Variants in UPRT observed in about 807,000 individuals in gnomAD.
UPRT encodes uracil phosphoribosyltransferase homolog.
Under a neutral mutation model 22.6 loss-of-function variants are expected in UPRT, and 5 were observed. The ratio of observed to expected loss-of-function variants is 0.22; its 90% CI spans 0.12 to 0.47. The LOEUF (loss-of-function observed/expected upper bound fraction) is 0.47. UPRT is among the 20% of genes least tolerant of loss of function. The pLI, the probability that UPRT is intolerant of heterozygous loss-of-function variation, is 0.99. For missense variants in UPRT, 181 were observed against 239.9 expected, an observed-to-expected ratio of 0.75 and a Z score of 1.62; for synonymous variants, 77 against 87.7, an observed-to-expected ratio of 0.88 and a Z score of 0.68.
intron 4 of UPRT, among the ~76,000 whole-genome samples, chrX:75,172,966 C>A (rs1222179325): frequency 1.8e-5 from 2 of 111,292 alleles, no homozygotes; most frequent in Non-Finnish European, 3.8e-5. Context: ...CTGGCTCGGG[C>A]AGCCTGCTTT....
At chrX:75,241,100 T>A (rs1489632184) in intron 4 of UPRT, among the ~76,000 whole-genome samples, 3 of 15,850 alleles carry the variant, frequency 1.9e-4, no homozygotes, top group Non-Finnish European at 1.9e-3. Flanking sequence ...AAAAAGCTTC[T>A]GCACAGAAAA....
chrX:75,231,676 A>G (rs1036251156), intron 4 of UPRT, among the ~76,000 whole-genome samples: 4 of 112,018 alleles, frequency 3.6e-5, no homozygotes, highest in African/African-American at 6.5e-5. Flanking sequence ...AGACAAAGAA[A>G]AGAATCTTAA....
intron 2 of UPRT, chrX:75,294,490 C>G: frequency 1.2e-6 from 1 of 809,628 alleles, no homozygotes; most frequent in Non-Finnish European, 1.5e-6. Flanking sequence ...GCTTCTTAGC[C>G]CCAAAGTTAT....
intron 4 of UPRT, among the ~76,000 whole-genome samples, chrX:75,260,607 T>C (rs919820139): frequency 1.8e-5 from 2 of 111,817 alleles, no homozygotes; most frequent in African/African-American, 6.5e-5. Context: ...ATAAAGCAAG[T>C]CCTTAGAGAC....
intron 4 of UPRT, among the ~76,000 whole-genome samples, chrX:75,224,090 T>C (rs1602460350): frequency 8.9e-6 from 1 of 111,829 alleles, no homozygotes; most frequent in East Asian, 2.8e-4. Context: ...GAATTCCCAT[T>C]TGGTTGTTTA....
At chrX:75,296,208 G>T (rs2082725184) in intron 2 of UPRT, 134 bp from the exon 3 acceptor site, 2 of 513,263 alleles carry the variant, frequency 3.9e-6, no homozygotes, top group Non-Finnish European at 6.3e-6. Context: ...ATGATAGGGG[G>T]CCCCTTACTG....
At chrX:75,248,980 A>T (rs1306264921) in intron 4 of UPRT, among the ~76,000 whole-genome samples, 1 of 111,609 alleles carries the variant, frequency 9.0e-6, no homozygotes, top group Admixed American at 9.6e-5. Context: ...GTGAAGGAGA[A>T]ATAAAATACT....
chrX:75,237,129 G>A (rs187641635), intron 4 of UPRT, among the ~76,000 whole-genome samples: 37 of 112,278 alleles, frequency 3.3e-4, no homozygotes, highest in African/African-American at 1.1e-3. Context: ...CCATCAAACA[G>A]TGAGTAAAGG....
At chrX:75,255,259 C>T (rs2082545910) in intron 4 of UPRT, among the ~76,000 whole-genome samples, 1 of 111,072 alleles carries the variant, frequency 9.0e-6, no homozygotes, top group African/African-American at 3.3e-5. Flanking sequence ...TGAAACTAAG[C>T]TTTATATATG....
At chrX:75,277,805 A>G (rs904386343) in intron 1 of UPRT, among the ~76,000 whole-genome samples, 5 of 111,804 alleles carry the variant, frequency 4.5e-5, no homozygotes, top group African/African-American at 1.6e-4. Flanking sequence ...AAGACCCACC[A>G]CAATTTTTAG....
chrX:75,255,230 C>T (rs1013711338), intron 4 of UPRT, among the ~76,000 whole-genome samples: 7 of 111,066 alleles, frequency 6.3e-5, no homozygotes, highest in East Asian at 2.8e-4. Context: ...TTATCATCAG[C>T]GAAGAATTTT....
At position 75,188,794 on chromosome X, in the gene UPRT, C is replaced by T. The variant is rs377063248; in HGVS notation, c.-447+20915C>T. Among the ~76,000 whole-genome samples the T allele has an allele frequency of 7.2e-4, 81 of 112,039 alleles. No homozygotes were observed. The East Asian group carries it at 0.015, about 21-fold the overall frequency. On this transcript the variant is annotated intron_variant, in intron 4 of 13. Transcript: ENST00000652605. ...GGGAGTGACCCGATCTTCCAGGTGC[C>T]GTCTGTCACCCCTTTCTTTGACTAG...
intron 4 of UPRT, among the ~76,000 whole-genome samples, chrX:75,253,057 G>C (rs1478035987): frequency 9.0e-6 from 1 of 110,869 alleles, no homozygotes; most frequent in South Asian, 3.9e-4. Flanking sequence ...TTGGAGGAGG[G>C]GGGAGGGATA....
At chrX:75,263,477 T>C (rs1299636543) in intron 4 of UPRT, among the ~76,000 whole-genome samples, 1 of 112,194 alleles carries the variant, frequency 8.9e-6, no homozygotes, top group Non-Finnish European at 1.9e-5. Context: ...AATTTATCCA[T>C]TTCTTCTAGA....
chrX:75,274,775 GGTGTGTGTGT>G (rs201034223), intron 1 of UPRT, 135 bp downstream of exon 1: 5,507 of 348,194 alleles, frequency 0.016, 11 homozygotes, highest in Non-Finnish European at 0.019. Context: ...CCTTTTATTT[GGTGTGTGTGT>G]GTGTGTGTGT....
At chrX:75,268,710 C>G (rs1304534023) in intron 4 of UPRT, among the ~76,000 whole-genome samples, 2 of 27,695 alleles carry the variant, frequency 7.2e-5, no homozygotes, top group African/African-American at 8.9e-5. Flanking sequence ...ATTCAACAGC[C>G]CTTCATGCTA....
chrX:75,259,410 A>C (rs189554135), intron 4 of UPRT, among the ~76,000 whole-genome samples: 1 of 109,146 alleles, frequency 9.2e-6, no homozygotes, highest in Non-Finnish European at 1.9e-5. Flanking sequence ...TTAGAGATGA[A>C]CAGAAATGAC....
At chrX:75,193,311 T>TA (rs2082322106) in intron 4 of UPRT, among the ~76,000 whole-genome samples, 1 of 112,439 alleles carries the variant, frequency 8.9e-6, no homozygotes, top group Non-Finnish European at 1.9e-5. Flanking sequence ...TCTGGCTCTG[T>TA]AGGGTTTCTG....
chrX:75,247,555 G>A (rs1602471941), intron 4 of UPRT, among the ~76,000 whole-genome samples: 1 of 112,273 alleles, frequency 8.9e-6, no homozygotes. Flanking sequence ...TATTGCCGAG[G>A]CTTGACTAGG....
Sources: allele counts gnomAD v4.1 joint callset (sites outside exome capture counted in the v4.1 genomes callset), GRCh38; gene constraint gnomAD v4.1.1; transcripts MANE v1.5; gene names NCBI Gene and HGNC (gene_info 2026-07-23, HGNC 2026-07-21).